Variants in CD36 observed in about 807,000 individuals in gnomAD.
The protein encoded by CD36 is CD36 molecule (CD36 blood group).
A neutral mutation model predicts 55.2 loss-of-function variants in CD36; 119 were observed. The ratio of observed to expected loss-of-function variants is 2.15; its 90% CI spans 1.86 to 2.51. CD36 has a LOEUF of 2.51. Among genes scored for constraint, CD36 ranks in the 30% most tolerant of loss-of-function variants. CD36 has a pLI of 0.00. For missense variants in CD36, 819 were observed against 555.5 expected, an observed-to-expected ratio of 1.47 and a Z score of -4.77; for synonymous variants, 186 against 193.6, an observed-to-expected ratio of 0.96 and a Z score of 0.33.
chr7:80,673,119 A>T, intron 12 of CD36: 2 of 520,154 alleles, frequency 3.8e-6, no homozygotes, highest in Non-Finnish European at 3.4e-6. Flanking sequence ...TTCATATTTC[A>T]GTTCCCCGAG....
intron 1 of CD36, among the ~76,000 whole-genome samples, chr7:80,604,579 A>G (rs934148703): frequency 2.0e-5 from 3 of 151,498 alleles, no homozygotes; most frequent in African/African-American, 7.3e-5. Flanking sequence ...TTTGTCACAC[A>G]AACACTATAG....
intron 1 of CD36, among the ~76,000 whole-genome samples, chr7:80,621,327 A>T (rs1288811015): frequency 1.3e-5 from 2 of 152,208 alleles, no homozygotes; most frequent in Non-Finnish European, 2.9e-5. Context: ...AACTTCCAGT[A>T]TCTGCAGAGG....
intron 1 of CD36, among the ~76,000 whole-genome samples, chr7:80,628,117 A>G (rs1793853327): frequency 6.6e-6 from 1 of 152,076 alleles, no homozygotes; most frequent in Admixed American, 6.6e-5. Context: ...AAACAAAGGT[A>G]CTTCCTCTCC....
At chr7:80,660,642 C>T (rs1796444202) in intron 4 of CD36, among the ~76,000 whole-genome samples, 2 of 152,158 alleles carry the variant, frequency 1.3e-5, no homozygotes, top group Non-Finnish European at 2.9e-5. Context: ...TCTGCATTTC[C>T]CAAAACATAT....
intron 12 of CD36, 38 bp from the exon 13 acceptor site, chr7:80,673,317 G>C: frequency 1.1e-6 from 1 of 919,978 alleles, no homozygotes; most frequent in South Asian, 1.5e-5. Flanking sequence ...ATAAATATTA[G>C]TTTATATGTT....
chr7:80,657,569 A>G (rs2116596581), intron 4 of CD36, among the ~76,000 whole-genome samples: 1 of 152,294 alleles, frequency 6.6e-6, no homozygotes, highest in East Asian at 1.9e-4. Context: ...ATGTGAGGTC[A>G]CTTGTCCATG....
Position 80,638,765 on chromosome 7 carries a change from CT to C in CD36, c.-184+22del, listed in dbSNP as rs1794603509. The stretch of plus-strand genomic sequence containing the variant: ...TTTAAAGGTAAGTTGTATGATTTTT[CT>C]TTAAATAAAAAAGATTAAGGGATTT... On this transcript the variant is annotated intron_variant, in intron 1 of 14. Coordinates refer to ENST00000447544, the MANE Select transcript of CD36 (RefSeq NM_001001548.3). 6.6e-6 allele frequency: 1 copy of C among 151,696 alleles called. No homozygotes were observed. Among genetic ancestry groups the C allele is most frequent in the Admixed American group, 6.6e-5 (1 of 15,186 alleles). 9.4% of individuals were successfully genotyped at this position (151,696 alleles called of 1,614,324 possible). A position where few individuals can be genotyped will look rare whatever the true frequency, so the allele number is the denominator to read the frequency against.
intron 1 of CD36, among the ~76,000 whole-genome samples, chr7:80,631,154 T>C (rs958105812): frequency 3.3e-5 from 5 of 151,996 alleles, no homozygotes; most frequent in Non-Finnish European, 7.4e-5. Flanking sequence ...TAAGATTCCA[T>C]ACCTACTATT....
chr7:80,663,167 C>A lies in CD36; in HGVS notation c.607C>A (p.Pro203Thr), dbSNP rs1796699604. 4 of 1,609,928 alleles carry A rather than the reference C, an allele frequency of 2.5e-6. No individual in the cohort carries two copies. Among genetic ancestry groups the A allele is most frequent in the Non-Finnish European group, 3.4e-6 (4 of 1,176,500 alleles). ...PVTTTVGLFY[P>T]YNNTADGVYK... is the part of the protein sequence containing the mutation. ...TACTACCACAGTTGGTCTGTTTTAT[C>A]CTGTAAGTACCAAATATGAATGGCA... is the stretch of plus-strand genomic sequence containing the variant. Residue 203 changes from proline (P) to threonine (T), a missense_variant and splice_region_variant, in exon 6 of 15, where the codon CCT becomes ACT. Pro to Thr is a conservative substitution (Grantham distance 38). Coordinates refer to ENST00000447544, the MANE Select transcript of CD36 (RefSeq NM_001001548.3).
intron 1 of CD36, among the ~76,000 whole-genome samples, chr7:80,622,350 G>A (rs1007738640): frequency 3.3e-5 from 5 of 152,178 alleles, no homozygotes; most frequent in South Asian, 4.1e-4. Context: ...GAGGGTCCCC[G>A]GCTTGCAAAG....
chr7:80,670,287 C>T (rs1302099528), intron 9 of CD36: 2 of 453,934 alleles, frequency 4.4e-6, no homozygotes, highest in Non-Finnish European at 8.0e-6. Flanking sequence ...CCCAATCTTT[C>T]TAAAGACATA....
At chr7:80,617,353 C>G (rs184367784) in intron 1 of CD36, among the ~76,000 whole-genome samples, 3 of 151,746 alleles carry the variant, frequency 2.0e-5, no homozygotes, top group African/African-American at 7.3e-5. Flanking sequence ...ATGTAACAAA[C>G]CTGCATGTGT....
intron 4 of CD36, 85 bp downstream of exon 4, chr7:80,656,785 T>C: frequency 8.3e-7 from 1 of 1,209,802 alleles, no homozygotes; most frequent in South Asian, 1.2e-5. Flanking sequence ...TGTCATTGTA[T>C]TGAAATGTAC....
At chr7:80,656,991 C>G (rs963515540) in intron 4 of CD36, among the ~76,000 whole-genome samples, 1 of 151,956 alleles carries the variant, frequency 6.6e-6, no homozygotes, top group African/African-American at 2.4e-5. Flanking sequence ...CAAATAACTT[C>G]CCTATGTTTA....
At chr7:80,644,993 A>G (rs1482351143) in intron 1 of CD36, among the ~76,000 whole-genome samples, 1 of 150,540 alleles carries the variant, frequency 6.6e-6, no homozygotes, top group African/African-American at 2.4e-5. Flanking sequence ...GGATCCACTC[A>G]TTTCACAAAC....
At chr7:80,642,667 C>G (rs113662473) in intron 1 of CD36, among the ~76,000 whole-genome samples, 1,838 of 152,218 alleles carry the variant, frequency 0.012, 38 homozygotes, top group African/African-American at 0.042. Flanking sequence ...ATGAACCCAA[C>G]TAGTGTCACG....
intron 1 of CD36, among the ~76,000 whole-genome samples, chr7:80,611,523 G>A (rs796129381): frequency 6.6e-6 from 1 of 152,260 alleles, no homozygotes; most frequent in African/African-American, 2.4e-5. Flanking sequence ...TACTGCCAAT[G>A]TCCTTTCTTT....
chr7:80,671,023 C>T lies in CD36; in HGVS notation c.865C>T (p.Pro289Ser). Residue 289 changes from proline (P) to serine (S), a missense_variant, in exon 10 of 15, where the codon CCT becomes TCT. Coordinates refer to ENST00000447544, the MANE Select transcript of CD36 (RefSeq NM_001001548.3). Reference protein sequence around the residue: ...FESDVNLKGIPVYRFVLPSKA... With the variant: ...FESDVNLKGISVYRFVLPSKA... ...ATCCGACGTTAATCTGAAAGGAATC[C>T]CTGTGTATAGATTTGTTCTTCCATC... 1 of 1,613,240 alleles carries T rather than the reference C, an allele frequency of 6.2e-7. No homozygotes were observed. The highest frequency in any genetic ancestry group is 8.5e-7 in the Non-Finnish European group (1 of 1,179,378).
At chr7:80,642,676 C>A (rs141269993) in intron 1 of CD36, among the ~76,000 whole-genome samples, 4 of 152,158 alleles carry the variant, frequency 2.6e-5, no homozygotes, top group East Asian at 3.9e-4. Flanking sequence ...ACTAGTGTCA[C>A]GTATTTTGCC....
Sources: allele counts gnomAD v4.1 joint callset (sites outside exome capture counted in the v4.1 genomes callset), GRCh38; gene constraint gnomAD v4.1.1; transcripts MANE v1.5; gene names NCBI Gene and HGNC (gene_info 2026-07-23, HGNC 2026-07-21).